MED1: variants seen among roughly 807,000 people sequenced by gnomAD.
MED1 encodes mediator complex subunit 1.
Under a neutral mutation model 121.3 loss-of-function variants are expected in MED1, and 17 were observed. That is an observed-to-expected ratio of 0.14 (90% CI 0.10 to 0.21). The LOEUF is 0.21. Among genes scored for constraint, MED1 ranks in the 10% least tolerant of loss-of-function variants. MED1 has a pLI of 1.00. For missense variants in MED1, 1,558 were observed against 1,919.4 expected (o/e 0.81, Z 3.52); for synonymous variants, 661 against 694.4 (o/e 0.95, Z 0.76).
In MED1 at chr17:39,406,694, T is replaced by C. The variant is rs2048306231; in HGVS notation, c.*781A>G. The C allele has an allele frequency of 5.1e-6, 5 of 985,302 alleles. No individual in the cohort carries two copies. In the South Asian group the frequency reaches 1.9e-4, roughly 37 times the overall value. 61.0% of individuals were successfully genotyped at this position (985,302 alleles called of 1,614,324 possible). The stretch of plus-strand genomic sequence containing the variant: ...TAAAAATATCATTTTGGTTTTTCTA[T>C]TATATTTAACTCTAAAGGCGGGCTC... On this transcript the variant is annotated 3_prime_UTR_variant, in exon 17 of 17. Transcript: ENST00000300651.
At chr17:39,449,863 G>C (rs2048765263) in intron 1 of MED1, among the ~76,000 whole-genome samples, 1 of 140,762 alleles carries the variant, frequency 7.1e-6, no homozygotes, top group Non-Finnish European at 1.5e-5. Context: ...AGCCCAGGTA[G>C]GAATGCAATG....
At chr17:39,448,054 G>A (rs1408805012) in intron 1 of MED1, 150 bp from the exon 2 acceptor site, 1 of 561,888 alleles carries the variant, frequency 1.8e-6, no homozygotes, top group Non-Finnish European at 3.1e-6. Flanking sequence ...ATCCAAAGAA[G>A]ACATTTTTAA....
rs1460304045 is a variant in MED1, at chr17:39,408,431, T to C, written c.3790A>G (p.Asn1264Asp). The change falls in exon 17 of 17, where the codon AAT (asparagine) becomes GAT (aspartate). Residue 1264 changes from asparagine (N) to aspartate (D), a missense_variant. Physicochemically the swap from Asn to Asp is conservative, Grantham distance 23. This residue lies in a region of MED1 where 793 missense variants were observed against 898.2 expected (regional missense o/e 0.88). Coordinates refer to ENST00000300651, the MANE Select transcript of MED1 (RefSeq NM_004774.4). The surrounding 1 kb of genome is among the most constrained non-coding windows in gnomAD (Gnocchi z 4.7). ...GAGGAGGAAGATGCCGTACAGGAAT[T>C]AGATGATGGGGGAGTTTTCTGGGAC... is the stretch of plus-strand genomic sequence containing the variant. ...SLSQKTPPSSNSCTASSSSFS... is the reference protein window; with the variant it reads ...SLSQKTPPSSDSCTASSSSFS... 5.6e-6 allele frequency: 9 copies of C among 1,613,966 alleles called. No homozygotes were observed. The highest frequency in any genetic ancestry group is 1.1e-5 in the South Asian group (1 of 91,086).
Position 39,423,825 on chromosome 17 carries a change from CA to C in MED1, c.852-5del, listed in dbSNP as rs528899641. 2.2e-5 allele frequency: 34 copies of C among 1,578,056 alleles called. No homozygotes were observed. The highest frequency in any genetic ancestry group is 1.1e-4 in the African/African-American group (8 of 71,498). ...GATTGAGGAGAAGGAAGGGGTCCTT[CA>C]AAAAAAAGAGGGTGGAAGGGTTGGA... On this transcript the variant is annotated splice_polypyrimidine_tract_variant and splice_region_variant and intron_variant, in intron 11 of 16. Transcript: ENST00000300651.
intron 14 of MED1, 59 bp downstream of exon 14, chr17:39,419,654 TAAAG>T: frequency 1.3e-6 from 2 of 1,500,374 alleles, no homozygotes; most frequent in Admixed American, 1.8e-5. Flanking sequence ...GGCCACCAAT[TAAAG>T]AACCACTGGA....
At chr17:39,421,720 T>C (rs2048466905) in intron 13 of MED1, among the ~76,000 whole-genome samples, 1 of 152,266 alleles carries the variant, frequency 6.6e-6, no homozygotes, top group South Asian at 2.1e-4. Context: ...TTTTCCTCTC[T>C]GTAAGTACTT....
At position 39,406,559 on chromosome 17, in the gene MED1, CTTTTTTT is replaced by C. The variant is rs11390065; in HGVS notation, c.*909_*915del. The C allele has an allele frequency of 1.1e-6, 1 of 922,422 alleles. No homozygotes were observed. Among genetic ancestry groups the C allele is most frequent in the Non-Finnish European group, 1.3e-6 (1 of 781,280 alleles). The allele number at this position is 922,422 out of a possible 1,614,324, so 57.1% of individuals were successfully genotyped here. Reference sequence around the variant, plus strand: ...TTTACATCCCAACAAGCCACCTTAGCTTTTTTTTTTTTTTTTGAAAGGAAAATGAGAT... The same window carrying C: ...TTTACATCCCAACAAGCCACCTTAGCTTTTTTTTTGAAAGGAAAATGAGAT... On this transcript the variant is annotated 3_prime_UTR_variant, in exon 17 of 17. Coordinates refer to ENST00000300651, the MANE Select transcript of MED1 (RefSeq NM_004774.4).
At chr17:39,439,985 A>AGAAGGAAGGAAGGAAG (rs1172811100) in intron 5 of MED1, among the ~76,000 whole-genome samples, 22 of 125,680 alleles carry the variant, frequency 1.8e-4, no homozygotes, top group African/African-American at 6.4e-4. Flanking sequence ...AAAGAAAGAA[A>AGAAGGAAGGAAGGAAG]GAAGGAAGGA....
At chr17:39,443,926 C>T (rs59133867) in intron 2 of MED1, among the ~76,000 whole-genome samples, 1 of 151,910 alleles carries the variant, frequency 6.6e-6, no homozygotes, top group Non-Finnish European at 1.5e-5. Context: ...TCCAGGAGTT[C>T]GAGACCAGCC....
At position 39,409,148 on chromosome 17, in the gene MED1, T is replaced by C. The variant is rs1159583902; in HGVS notation, c.3073A>G (p.Ser1025Gly). 1.2e-6 allele frequency: 2 copies of C among 1,614,096 alleles called. No homozygotes were observed. The highest frequency in any genetic ancestry group is 2.2e-5 in the East Asian group (1 of 44,904). The change falls in exon 17 of 17, where the codon AGT becomes GGT. Residue 1025 changes from serine to glycine, a missense_variant. By Grantham distance (56) the Ser-to-Gly change is moderately conservative. Transcript: ENST00000300651. ...ADTEGKSPSH[S>G]SSNRPFTPPT... ...GGGGTAAAAGGTCTGTTAGAAGAAC[T>C]ATGAGATGGAGACTTTCCCTCAGTG... is the stretch of plus-strand genomic sequence containing the variant.
chr17:39,441,728 C>G (rs1231543004), intron 3 of MED1, among the ~76,000 whole-genome samples: 1 of 152,106 alleles, frequency 6.6e-6, no homozygotes, highest in Non-Finnish European at 1.5e-5. Context: ...GAGCAGAGAT[C>G]GTGCCACTGC....
chr17:39,412,471 A>G (rs1321391459), intron 16 of MED1, among the ~76,000 whole-genome samples: 1 of 144,116 alleles, frequency 6.9e-6, no homozygotes, highest in East Asian at 2.0e-4. Flanking sequence ...CAGGCGATCC[A>G]CCCACCTCCC....
intron 9 of MED1, among the ~76,000 whole-genome samples, chr17:39,429,702 T>TAAAAAAA (rs757034804): frequency 4.1e-5 from 2 of 48,964 alleles, no homozygotes; most frequent in African/African-American, 1.0e-4. Flanking sequence ...CCTAAATGCC[T>TAAAAAAA]AAAAAAAAAA....
At chr17:39,431,254 A>G in intron 8 of MED1, 66 bp from the exon 9 acceptor site, 1 of 1,277,200 alleles carries the variant, frequency 7.8e-7, no homozygotes, top group Non-Finnish European at 1.1e-6. Flanking sequence ...ACACTGTGAT[A>G]TTGAGTTCAC....
At chr17:39,444,908 G>C (rs2048712435) in intron 2 of MED1, among the ~76,000 whole-genome samples, 1 of 151,820 alleles carries the variant, frequency 6.6e-6, no homozygotes, top group African/African-American at 2.4e-5. Flanking sequence ...AAAAAACTTA[G>C]CCTAGTTTTC....
intron 10 of MED1, among the ~76,000 whole-genome samples, chr17:39,427,157 G>A (rs1047651316): frequency 6.6e-6 from 1 of 151,928 alleles, no homozygotes; most frequent in Admixed American, 6.6e-5. Flanking sequence ...CTTATGAGTT[G>A]CTCATTTACT....
At chr17:39,414,634 CTTTTTTTTT>C (rs55829399) in intron 16 of MED1, among the ~76,000 whole-genome samples, 28,802 of 61,536 alleles carry the variant, frequency 0.47, 11,336 homozygotes, top group South Asian at 0.67. Flanking sequence ...CAGGCCCGGC[CTTTTTTTTT>C]TTTTTTTTTT....
chr17:39,414,001 C>A (rs896636039), intron 16 of MED1, among the ~76,000 whole-genome samples: 11 of 148,968 alleles, frequency 7.4e-5, no homozygotes, highest in Non-Finnish European at 1.3e-4. Context: ...CCAAGGCAGG[C>A]AGATCACCTG....
At chr17:39,412,228 CT>C (rs1163616624) in intron 16 of MED1, among the ~76,000 whole-genome samples, 190 of 132,256 alleles carry the variant, frequency 1.4e-3, no homozygotes, top group Admixed American at 4.6e-3. Flanking sequence ...ATTTTTTTTT[CT>C]TTTTTTTTTT....
Sources: allele counts gnomAD v4.1 joint callset (sites outside exome capture counted in the v4.1 genomes callset), GRCh38; gene constraint gnomAD v4.1.1; regional missense constraint gnomAD v4.1.1; non-coding constraint Gnocchi (gnomAD v3.1); transcripts MANE v1.5; gene names NCBI Gene and HGNC (gene_info 2026-07-23, HGNC 2026-07-21).